FAM184B: variants seen among roughly 807,000 people sequenced by gnomAD.
FAM184B encodes protein FAM184B.
In FAM184B, 111 loss-of-function variants were observed where a neutral mutation model predicts 135.9. The ratio of observed to expected loss-of-function variants is 0.82; its 90% confidence interval spans 0.70 to 0.96. FAM184B has a LOEUF of 0.96. Among genes scored for constraint, FAM184B ranks in the 40% least tolerant of loss-of-function variants. The pLI is 0.00. For missense variants in FAM184B, 1,375 were observed against 1,323.9 expected (o/e 1.04, Z -0.60); for synonymous variants, 552 against 524.8 (o/e 1.05, Z -0.71).
chr4:17,642,308 C>A (rs1388546700), intron 12 of FAM184B, 80 bp from the exon 13 acceptor site: 2 of 1,385,112 alleles, frequency 1.4e-6, no homozygotes, highest in South Asian at 1.6e-5. Context: ...TGTGCTGCGG[C>A]GAGATGGAGA....
chr4:17,639,149 A>C lies in FAM184B; in HGVS notation c.2666+101T>G, dbSNP rs1269812769. The C allele has an allele frequency of 7.1e-6, 9 of 1,267,950 alleles. No homozygotes were observed. The East Asian group carries it at 1.3e-4, about 18-fold the overall frequency. The allele number at this position is 1,267,950 out of a possible 1,614,324, so 78.5% of individuals were successfully genotyped here. ...TGCCTGGCCAGAACCCAGGACTTTC[A>C]ATTTGAAAACCAGGAAATCCCAGGG... is the stretch of plus-strand genomic sequence containing the variant. On this transcript the variant is annotated intron_variant, in intron 14 of 17. Transcript: ENST00000265018.
chr4:17,647,442 G>A (rs537603262), intron 12 of FAM184B, among the ~76,000 whole-genome samples, 195 bp downstream of exon 12: 2 of 152,056 alleles, frequency 1.3e-5, no homozygotes, highest in East Asian at 3.9e-4. Flanking sequence ...TAGAGATATA[G>A]TCTTGCTATG....
At chr4:17,736,767 C>G (rs942098887) in intron 1 of FAM184B, among the ~76,000 whole-genome samples, 1 of 152,196 alleles carries the variant, frequency 6.6e-6, no homozygotes, top group African/African-American at 2.4e-5. Flanking sequence ...ATAGCCACAC[C>G]TGGCCACACG....
chr4:17,634,925 C>A, intron 16 of FAM184B, 84 bp downstream of exon 16: 2 of 870,674 alleles, frequency 2.3e-6, no homozygotes, highest in Non-Finnish European at 3.5e-6. Flanking sequence ...CGTACACCAG[C>A]CCTTAAATAA....
At chr4:17,710,118 G>C (rs1366343886) in intron 1 of FAM184B, among the ~76,000 whole-genome samples, 1 of 152,154 alleles carries the variant, frequency 6.6e-6, no homozygotes, top group East Asian at 1.9e-4. Context: ...CTGAGGTCAG[G>C]AGTTCGAGAC....
Position 17,641,141 on chromosome 4 carries a change from C to G in FAM184B, c.2519+915G>C, listed in dbSNP as rs1193272656. Among the ~76,000 whole-genome samples, 3 of 152,100 alleles carry G rather than the reference C, an allele frequency of 2.0e-5. No individual in the cohort carries two copies. The East Asian group carries it at 5.8e-4, about 29-fold the overall frequency. On this transcript the variant is annotated intron_variant, in intron 13 of 17. Transcript: ENST00000265018. The stretch of plus-strand genomic sequence containing the variant: ...TAGAGACGGGGTTTCACTATGTTGC[C>G]CAGGCTGGTCTTGGACTCCTGACCT...
At chr4:17,662,399 A>G (rs1715938626) in intron 8 of FAM184B, among the ~76,000 whole-genome samples, 1 of 151,730 alleles carries the variant, frequency 6.6e-6, no homozygotes, top group Non-Finnish European at 1.5e-5. Context: ...GTGCAGTGGC[A>G]CAATCTCGGC....
At chr4:17,655,470 A>T (rs934479371) in intron 10 of FAM184B, among the ~76,000 whole-genome samples, 4 of 152,102 alleles carry the variant, frequency 2.6e-5, no homozygotes, top group Non-Finnish European at 5.9e-5. Context: ...TTCCTGGTGA[A>T]TTTCTCCAGC....
Position 17,670,826 on chromosome 4 carries a change from A to G in FAM184B, c.1597-6167T>C, listed in dbSNP as rs1716154972. On this transcript the variant is annotated intron_variant, in intron 7 of 17. Transcript: ENST00000265018. ...TAGAACCCTGTATTTTCTGACTCCC[A>G]TCCACGTAATTCCATATCACTGCAC... Among the ~76,000 whole-genome samples the G allele has an allele frequency of 2.0e-5, 3 of 152,316 alleles. No homozygotes were observed. In the South Asian group the frequency reaches 6.2e-4, roughly 32 times the overall value.
chr4:17,709,754 C>G (rs1717214311), intron 1 of FAM184B, 110 bp from the exon 2 acceptor site: 1 of 1,009,202 alleles, frequency 9.9e-7, no homozygotes, highest in African/African-American at 1.6e-5. Context: ...ACAAGTGGCA[C>G]CTGAGAAGAG....
chr4:17,636,192 GTC>G (rs1443194005), intron 15 of FAM184B, among the ~76,000 whole-genome samples: 1 of 152,096 alleles, frequency 6.6e-6, no homozygotes, highest in Non-Finnish European at 1.5e-5. Flanking sequence ...TGCAACCTCT[GTC>G]TCTCGGGTTC....
chr4:17,633,578 C>T, intron 17 of FAM184B, 111 bp downstream of exon 17: 3 of 997,284 alleles, frequency 3.0e-6, no homozygotes, highest in Non-Finnish European at 4.2e-6. Flanking sequence ...TCTAATCATC[C>T]ATGAAAAAAG....
At chr4:17,774,527 A>G (rs1215254724) in intron 1 of FAM184B, among the ~76,000 whole-genome samples, 1 of 152,204 alleles carries the variant, frequency 6.6e-6, no homozygotes, top group Non-Finnish European at 1.5e-5. Flanking sequence ...GGGTTTATTT[A>G]CTGGGGAATG....
At chr4:17,663,286 T>C (rs1715961462) in intron 8 of FAM184B, among the ~76,000 whole-genome samples, 3 of 152,098 alleles carry the variant, frequency 2.0e-5, no homozygotes, top group Admixed American at 2.0e-4. Context: ...TTTGTCCATT[T>C]AAAAAATAGG....
In FAM184B at chr4:17,734,125, C is replaced by T. The variant is rs1012843773; in HGVS notation, c.142-24481G>A. Among the ~76,000 whole-genome samples, 24 of 152,156 alleles carry T rather than the reference C, an allele frequency of 1.6e-4. 1 individual carries two copies. The highest frequency in any genetic ancestry group is 3.9e-4 in the Admixed American group (6 of 15,272). On this transcript the variant is annotated intron_variant, in intron 1 of 17. Coordinates refer to ENST00000265018, the MANE Select transcript of FAM184B (RefSeq NM_015688.2). ...AATGGTGCTGGGAAAACTGGCTGGC[C>T]ACATGTAGAAAGCTGAAACTGGATC...
chr4:17,735,343 A>T (rs1375937847), intron 1 of FAM184B, among the ~76,000 whole-genome samples: 2 of 152,174 alleles, frequency 1.3e-5, no homozygotes, highest in African/African-American at 4.8e-5. Flanking sequence ...ATAATGAAAT[A>T]AAATTAAATT....
intron 7 of FAM184B, among the ~76,000 whole-genome samples, chr4:17,680,671 G>C (rs74775034): frequency 6.6e-6 from 1 of 152,104 alleles, no homozygotes; most frequent in Non-Finnish European, 1.5e-5. Context: ...TGCTAAAGTG[G>C]CCTGGGTATG....
Position 17,688,128 on chromosome 4 carries a change from C to T in FAM184B, c.1596+296G>A, listed in dbSNP as rs115754863. Reference sequence around the variant, plus strand: ...GCTGGGCAGAATCAAAGGCCCTGCTCGAGTTGAGTGCGCCCTTTATCCTCC... The same window carrying T: ...GCTGGGCAGAATCAAAGGCCCTGCTTGAGTTGAGTGCGCCCTTTATCCTCC... On this transcript the variant is annotated intron_variant, in intron 7 of 17. Transcript: ENST00000265018. 1.6e-3 allele frequency among the ~76,000 whole-genome samples: 249 copies of T among 152,260 alleles called. 2 individuals carry two copies. Among genetic ancestry groups the T allele is most frequent in the African/African-American group, 5.7e-3 (237 of 41,540 alleles).
At position 17,630,383 on chromosome 4, in the gene FAM184B, T is replaced by TAA. The variant is rs1231761862; in HGVS notation, c.*2147_*2148dup. The TAA allele has an allele frequency of 6.6e-6, 1 of 152,128 alleles. No homozygotes were observed. Among genetic ancestry groups the TAA allele is most frequent in the African/African-American group, 2.4e-5 (1 of 41,402 alleles). The allele number at this position is 152,128 out of a possible 1,614,324, so 9.4% of individuals were successfully genotyped here. ...GAGGGCTTCACCCTCATGAGTAGGA[T>TAA]AAGTACCCTTACAAAAGAGGCTCAG... is the stretch of plus-strand genomic sequence containing the variant. On this transcript the variant is annotated 3_prime_UTR_variant, in exon 18 of 18. Transcript: ENST00000265018.
Sources: gnomAD v4.1 joint callset for allele counts (sites outside exome capture counted in the v4.1 genomes callset) on GRCh38, gnomAD v4.1.1 for gene constraint, MANE v1.5 for transcripts, NCBI Gene and HGNC (gene_info 2026-07-23, HGNC 2026-07-21) for gene names.